Variants in TAF9B observed in about 807,000 individuals in gnomAD.
TAF9B encodes the protein transcription initiation factor TFIID subunit 9B.
In TAF9B, 47 loss-of-function variants were observed where a neutral mutation model predicts 17.6. The ratio of observed to expected loss-of-function variants is 2.68; its 90% CI spans 2.12 to 3.41. The LOEUF (loss-of-function observed/expected upper bound fraction) is 3.41. TAF9B is among the 30% of genes most tolerant of loss of function. The pLI, the probability that TAF9B is intolerant of heterozygous loss-of-function variation, is 0.00. For missense variants in TAF9B, 218 were observed against 189.3 expected, an observed-to-expected ratio of 1.15 and a Z score of -0.89; for synonymous variants, 84 against 68.7, an observed-to-expected ratio of 1.22 and a Z score of -1.10.
intron 6 of TAF9B, among the ~76,000 whole-genome samples, chrX:78,132,810 G>A (rs1410638916): frequency 9.1e-6 from 1 of 110,064 alleles, no homozygotes; most frequent in Non-Finnish European, 1.9e-5. Flanking sequence ...TTTAGCTGAC[G>A]GTGTTCTTTG....
At chrX:78,134,181 AC>A (rs782164365) in intron 5 of TAF9B, among the ~76,000 whole-genome samples, 146 of 111,107 alleles carry the variant, frequency 1.3e-3, no homozygotes, top group African/African-American at 4.6e-3. Flanking sequence ...CTCAAATACT[AC>A]CCCGTTTTAT....
rs1173665316 is a variant in TAF9B, at chrX:78,131,269, C to G, written c.*341G>C. 6.9e-5 allele frequency: 9 copies of G among 130,425 alleles called. No individual in the cohort carries two copies. The highest frequency in any genetic ancestry group is 2.9e-4 in the African/African-American group (9 of 31,331). 10.7% of individuals were successfully genotyped at this position (130,425 alleles called of 1,213,427 possible). The stretch of plus-strand genomic sequence containing the variant: ...ATTTAAATGTAGATCAGAAATTATG[C>G]TGTCAAAGATAAATCTGCTGACTAG... On this transcript the variant is annotated 3_prime_UTR_variant, in exon 7 of 7. Coordinates refer to ENST00000341864, the MANE Select transcript of TAF9B (RefSeq NM_015975.5).
chrX:78,134,137 T>C (rs1368070824), intron 5 of TAF9B, among the ~76,000 whole-genome samples: 1 of 111,459 alleles, frequency 9.0e-6, no homozygotes, highest in African/African-American at 3.3e-5. Flanking sequence ...AAACCCCCAG[T>C]CATCTAAATT....
rs1350067468 is a variant in TAF9B at position 78,130,450 on chromosome X, A to G, written c.*1160T>C. 8.9e-6 allele frequency: 1 copy of G among 112,472 alleles called. No individual in the cohort carries two copies. The highest frequency in any genetic ancestry group is 1.9e-5 in the Non-Finnish European group (1 of 53,300). The allele number at this position is 112,472 out of a possible 1,213,427, so 9.3% of individuals were successfully genotyped here. A position where few individuals can be genotyped will look rare whatever the true frequency, so the allele number is the denominator to read the frequency against. On this transcript the variant is annotated 3_prime_UTR_variant, in exon 7 of 7. Coordinates refer to ENST00000341864, the MANE Select transcript of TAF9B (RefSeq NM_015975.5). ...CAGAGTGCACATAAATGCAAGTTAC[A>G]TCACATTAATTTGTTTTCTTTGTTG...
intron 5 of TAF9B, 67 bp downstream of exon 5, chrX:78,136,848 T>G: frequency 1.3e-6 from 1 of 794,334 alleles, no homozygotes; most frequent in Non-Finnish European, 1.9e-6. Context: ...ACTTGCATTA[T>G]AGTTCAAAAC....
In TAF9B at chrX:78,130,374, A is replaced by AAAAC. The variant is rs1196000316; in HGVS notation, c.*1232_*1235dup. On this transcript the variant is annotated 3_prime_UTR_variant, in exon 7 of 7. Transcript: ENST00000341864. ...ATGACTTTAATATGTGTATAAATGG[A>AAAAC]AAACAGGGAAAGGTGTTCAGCAACA... is the stretch of plus-strand genomic sequence containing the variant. 1 of 112,672 alleles carries AAAAC rather than the reference A, an allele frequency of 8.9e-6. No homozygotes were observed. The highest frequency in any genetic ancestry group is 1.9e-5 in the Non-Finnish European group (1 of 53,388). The allele number at this position is 112,672 out of a possible 1,213,427, so 9.3% of individuals were successfully genotyped here.
Position 78,137,821 on chromosome X carries a change from T to TGCATATGGCTTAATCAGTG in TAF9B, c.314_332dup (p.Gly112ThrfsTer3). On this transcript the variant is annotated stop_gained and frameshift_variant, in exon 4 of 7. Coordinates refer to ENST00000341864, the MANE Select transcript of TAF9B (RefSeq NM_015975.5). LOFTEE classifies it high-confidence loss of function. ...ATCTATCAGGTGGCAGTCTAGGTCC[T>TGCATATGGCTTAATCAGTG]GCATATGGCTTAATCAGTGGCAAAG... is the stretch of plus-strand genomic sequence containing the variant. 8.3e-7 allele frequency: 1 copy of TGCATATGGCTTAATCAGTG among 1,210,349 alleles called. No individual in the cohort carries two copies. The highest frequency in any genetic ancestry group is 3.0e-5 in the East Asian group (1 of 33,849).
chrX:78,137,946 A>T lies in TAF9B; in HGVS notation c.270+16T>A, dbSNP rs782819921. The T allele has an allele frequency of 1.2e-5, 15 of 1,202,148 alleles. No individual in the cohort carries two copies. In the South Asian group the frequency reaches 2.2e-4, roughly 18 times the overall value. ...AAATTGTAAGTAAAAATAACTTCAA[A>T]TCAAAGTTTGCTCACATCTCTTGGG... On this transcript the variant is annotated intron_variant, in intron 3 of 6. Transcript: ENST00000341864.
chrX:78,130,898 A>C lies in TAF9B; in HGVS notation c.*712T>G, dbSNP rs1417742204. 4.5e-5 allele frequency: 5 copies of C among 112,352 alleles called. No homozygotes were observed. Among genetic ancestry groups the C allele is most frequent in the African/African-American group, 1.6e-4 (5 of 30,966 alleles). The allele number at this position is 112,352 out of a possible 1,213,427, so 9.3% of individuals were successfully genotyped here. A position where few individuals can be genotyped will look rare whatever the true frequency, so the allele number is the denominator to read the frequency against. The stretch of plus-strand genomic sequence containing the variant: ...GCAAACCATCAGGTTAAAGTGAATC[A>C]CAAAACATTAGGCATGTAGAGCATG... On this transcript the variant is annotated 3_prime_UTR_variant, in exon 7 of 7. Transcript: ENST00000341864.
chrX:78,132,175 G>A (rs1557249580), intron 6 of TAF9B, among the ~76,000 whole-genome samples: 1 of 110,399 alleles, frequency 9.1e-6, no homozygotes, highest in African/African-American at 3.3e-5. Flanking sequence ...TGTATTTTCA[G>A]TAGAGACGGG....
In TAF9B at chrX:78,137,749, C is replaced by T. The variant is rs2078439370; in HGVS notation, c.405G>A (p.Lys135=). ...PNYRLKSLIK[K]GPNQGRLVPR... is the part of the protein sequence containing the mutation. ...AGAAAAGTTGACTAAAATTTCTTAC[C>T]TTTTTAATTAAGGACTTCAGCCTAT... is the stretch of plus-strand genomic sequence containing the variant. Residue 135 remains lysine (K), a splice_region_variant and synonymous_variant, in exon 4 of 7, where the codon AAG becomes AAA. Transcript: ENST00000341864. 2 of 1,179,141 alleles carry T rather than the reference C, an allele frequency of 1.7e-6. No homozygotes were observed. The highest frequency in any genetic ancestry group is 2.8e-5 in the Admixed American group (1 of 36,101).
At chrX:78,132,486 A>G (rs1462866019) in intron 6 of TAF9B, among the ~76,000 whole-genome samples, 4 of 111,486 alleles carry the variant, frequency 3.6e-5, no homozygotes, top group Non-Finnish European at 7.5e-5. Context: ...AAGGTCAGGA[A>G]TCACTTCCCT....
intron 5 of TAF9B, 70 bp from the exon 6 acceptor site, chrX:78,133,518 C>A: frequency 3.9e-6 from 3 of 764,231 alleles, no homozygotes; most frequent in Non-Finnish European, 6.0e-6. Flanking sequence ...ACTCAGCTTA[C>A]CGCAAACTAT....
chrX:78,133,590 A>C, intron 5 of TAF9B, 142 bp from the exon 6 acceptor site: 1 of 459,299 alleles, frequency 2.2e-6, no homozygotes, highest in South Asian at 3.3e-5. Flanking sequence ...AGAGCAAAAC[A>C]ACCTTAAAAA....
At chrX:78,138,793 T>C (rs956518200) in intron 2 of TAF9B, 50 bp downstream of exon 2, 15 of 912,732 alleles carry the variant, frequency 1.6e-5, no homozygotes, top group Non-Finnish European at 2.2e-5. Flanking sequence ...AATAAAAATA[T>C]CTTTTCAAGT....
rs369109622 is a variant in TAF9B, at chrX:78,138,101, A to G, written c.134-3T>C. On this transcript the variant is annotated splice_region_variant and splice_polypyrimidine_tract_variant and intron_variant, in intron 2 of 6. Coordinates refer to ENST00000341864, the MANE Select transcript of TAF9B (RefSeq NM_015975.5). ...ATCCAGAATTGTAGTCACATAACCT[A>G]TAAGAACAAAACAATCTTTTCTTAA... 7.6e-6 allele frequency: 9 copies of G among 1,187,579 alleles called. No individual in the cohort carries two copies. The highest frequency in any genetic ancestry group is 3.6e-5 in the African/African-American group (2 of 56,202).
In TAF9B at chrX:78,130,045, T is replaced by C. The variant is rs1200359097; in HGVS notation, c.*1565A>G. ...TCCTATGCTATATAATGAATATTTA[T>C]CTCCTATGATGTTGATCAGGTCTAT... On this transcript the variant is annotated 3_prime_UTR_variant, in exon 7 of 7. Coordinates refer to ENST00000341864, the MANE Select transcript of TAF9B (RefSeq NM_015975.5). 7 of 112,287 alleles carry C rather than the reference T, an allele frequency of 6.2e-5. No individual in the cohort carries two copies. Among genetic ancestry groups the C allele is most frequent in the African/African-American group, 2.3e-4 (7 of 30,811 alleles). 9.3% of individuals were successfully genotyped at this position (112,287 alleles called of 1,213,427 possible). A position where few individuals can be genotyped will look rare whatever the true frequency, so the allele number is the denominator to read the frequency against.
rs1324959438 is a variant in TAF9B, at chrX:78,131,162, T to G, written c.*448A>C. On this transcript the variant is annotated 3_prime_UTR_variant, in exon 7 of 7. Transcript: ENST00000341864. Reference sequence around the variant, plus strand: ...AAATCCATCCTTTCCAAAAAATGTTTCCTATATTGAGAGATTTGGTAAAAA... The same window carrying G: ...AAATCCATCCTTTCCAAAAAATGTTGCCTATATTGAGAGATTTGGTAAAAA... The G allele has an allele frequency of 6.9e-5, 7 of 102,000 alleles. No individual in the cohort carries two copies. The highest frequency in any genetic ancestry group is 2.6e-4 in the African/African-American group (7 of 26,799). 8.4% of individuals were successfully genotyped at this position (102,000 alleles called of 1,213,427 possible).
At chrX:78,135,953 A>C (rs924683573) in intron 5 of TAF9B, among the ~76,000 whole-genome samples, 1 of 112,129 alleles carries the variant, frequency 8.9e-6, no homozygotes, top group South Asian at 3.7e-4. Flanking sequence ...CTGGTTTTAC[A>C]ATGCTGAAAT....
Sources: allele counts gnomAD v4.1 joint callset (sites outside exome capture counted in the v4.1 genomes callset), GRCh38; gene constraint gnomAD v4.1.1; transcripts MANE v1.5; gene names NCBI Gene and HGNC (gene_info 2026-07-23, HGNC 2026-07-21).